The following FAT3 variants were observed in gnomAD, a reference collection of about 807,000 sequenced individuals.
FAT3 encodes protocadherin Fat 3.
In FAT3, 95 loss-of-function variants were observed where a neutral mutation model predicts 310.2. That is an observed-to-expected ratio of 0.31 (90% CI 0.26 to 0.36). The LOEUF is 0.36. Ranked by LOEUF, FAT3 falls within the 10% of genes least tolerant of loss-of-function variation. The pLI, the probability that FAT3 is intolerant of heterozygous loss-of-function variation, is 1.00. For synonymous variants in FAT3, 2,314 were observed against 2,192.9 expected (o/e 1.06, Z -1.54); for missense variants, 5,408 against 5,715.6 (o/e 0.95, Z 1.74).
At chr11:92,357,789 C>T (rs868647631) in intron 2 of FAT3, among the ~76,000 whole-genome samples, 49 of 151,948 alleles carry the variant, frequency 3.2e-4, no homozygotes, top group African/African-American at 1.1e-3. Context: ...AGGTAACTTG[C>T]TACAGTGTTT....
intron 3 of FAT3, among the ~76,000 whole-genome samples, chr11:92,689,750 G>A (rs549436124): frequency 5.3e-5 from 8 of 152,274 alleles, no homozygotes; most frequent in South Asian, 2.1e-4. Flanking sequence ...GCACATGCAT[G>A]CATGCATGTG....
At position 92,792,944 on chromosome 11, in the gene FAT3, G is replaced by A. The variant is rs1174824765; in HGVS notation, c.4789G>A (p.Glu1597Lys). ...QVTALDKDKG[E>K]NAELIYTIEA... The stretch of plus-strand genomic sequence containing the variant: ...GACGGCTCTGGACAAAGACAAAGGA[G>A]AAAATGCAGAACTCATATATACCAT... Residue 1597 changes from glutamate (E) to lysine (K), a missense_variant, in exon 9 of 28, where the codon GAA (glutamate) becomes AAA (lysine). Coordinates refer to ENST00000525166, the MANE Select transcript of FAT3 (RefSeq NM_001367949.2). 2 of 1,613,678 alleles carry A rather than the reference G, an allele frequency of 1.2e-6. No individual in the cohort carries two copies. Among genetic ancestry groups the A allele is most frequent in the African/African-American group, 1.3e-5 (1 of 75,028 alleles).
intron 1 of FAT3, among the ~76,000 whole-genome samples, chr11:92,305,703 G>T (rs1453569456): frequency 1.3e-5 from 2 of 152,074 alleles, no homozygotes; most frequent in African/African-American, 4.8e-5. Flanking sequence ...ATAGTGAGGT[G>T]ATATCAGATA....
At chr11:92,572,741 A>G (rs919086244) in intron 3 of FAT3, among the ~76,000 whole-genome samples, 67 of 152,316 alleles carry the variant, frequency 4.4e-4, no homozygotes, top group African/African-American at 1.5e-3. Flanking sequence ...TGTTCAGCCT[A>G]TTGGGTTACC....
intron 1 of FAT3, among the ~76,000 whole-genome samples, chr11:92,333,711 A>G (rs970236048): frequency 6.6e-6 from 1 of 151,868 alleles, no homozygotes; most frequent in Non-Finnish European, 1.5e-5. Context: ...CTGCCTCATA[A>G]ATATACATCT....
chr11:92,239,816 A>T (rs1708308830), intron 1 of FAT3, among the ~76,000 whole-genome samples: 2 of 152,234 alleles, frequency 1.3e-5, no homozygotes, highest in Non-Finnish European at 2.9e-5. Flanking sequence ...ATTTGCATAA[A>T]AGAGTCTTTG....
At chr11:92,513,118 T>A (rs1296445222) in intron 2 of FAT3, among the ~76,000 whole-genome samples, 2 of 32,046 alleles carry the variant, frequency 6.2e-5, no homozygotes, top group African/African-American at 2.1e-4. Context: ...CTAGACTCCG[T>A]CTCAAAAAAA....
At chr11:92,412,724 T>TACATACAC (rs1565296236) in intron 2 of FAT3, among the ~76,000 whole-genome samples, 1 of 33,382 alleles carries the variant, frequency 3.0e-5, no homozygotes, top group Non-Finnish European at 7.4e-5. Context: ...TATATATATA[T>TACATACAC]ATATATATAT....
At position 92,359,495 on chromosome 11, in the gene FAT3, A is replaced by C. The variant is rs545137286; in HGVS notation, c.3292+4091A>C. On this transcript the variant is annotated intron_variant, in intron 2 of 27. Coordinates refer to ENST00000525166, the MANE Select transcript of FAT3 (RefSeq NM_001367949.2). ...CTTGACTTTCTTTTTTTTTATTATT[A>C]TACTTTAAGTTTTAGGGTACATGTG... is the stretch of plus-strand genomic sequence containing the variant. 8.6e-5 allele frequency among the ~76,000 whole-genome samples: 13 copies of C among 151,858 alleles called. No individual in the cohort carries two copies. In the South Asian group the frequency reaches 2.7e-3, roughly 32 times the overall value.
chr11:92,740,728 A>G (rs1030608556), intron 4 of FAT3, among the ~76,000 whole-genome samples: 2 of 152,204 alleles, frequency 1.3e-5, no homozygotes, highest in South Asian at 4.1e-4. Context: ...GTACTTAAAA[A>G]GCATTTCAAA....
At chr11:92,867,301 C>T in intron 22 of FAT3, 92 bp downstream of exon 22, 1 of 1,295,540 alleles carries the variant, frequency 7.7e-7, no homozygotes, top group Admixed American at 2.5e-5. Flanking sequence ...AACGCAAGGA[C>T]TCTACTAGAG....
chr11:92,803,139 C>G (rs758236201), intron 10 of FAT3, among the ~76,000 whole-genome samples: 1 of 150,466 alleles, frequency 6.6e-6, no homozygotes, highest in Non-Finnish European at 1.5e-5. Flanking sequence ...AAAAAAAAAG[C>G]TTCTTAGGCA....
In FAT3 at chr11:92,764,454, C is replaced by T. The variant is rs74323807; in HGVS notation, c.3985-425C>T. Among the ~76,000 whole-genome samples, 785 of 152,264 alleles carry T rather than the reference C, an allele frequency of 5.2e-3. 8 individuals are homozygous for T. Among genetic ancestry groups the T allele is most frequent in the African/African-American group, 0.018 (737 of 41,538 alleles). ...ACACATGCACACACACACTTCTGCACGTATCATTCACACATATATAAGGTT... is the reference window on the plus strand; with the variant it reads ...ACACATGCACACACACACTTCTGCATGTATCATTCACACATATATAAGGTT... On this transcript the variant is annotated intron_variant, in intron 5 of 27. Coordinates refer to ENST00000525166, the MANE Select transcript of FAT3 (RefSeq NM_001367949.2).
intron 4 of FAT3, among the ~76,000 whole-genome samples, chr11:92,717,505 T>C (rs566093702): frequency 6.6e-6 from 1 of 152,330 alleles, no homozygotes; most frequent in Admixed American, 6.5e-5. Context: ...GTCAGAATTA[T>C]CCAGAATGGC....
intron 1 of FAT3, among the ~76,000 whole-genome samples, chr11:92,247,423 T>G (rs1414756277): frequency 1.4e-4 from 22 of 151,866 alleles, no homozygotes; most frequent in Non-Finnish European, 3.1e-4. Flanking sequence ...CTGCAACTGC[T>G]GAAGTAATTC....
chr11:92,792,346 A>G (rs3893258), intron 8 of FAT3, among the ~76,000 whole-genome samples: 129,772 of 152,154 alleles, frequency 0.85, 55,476 homozygotes, highest in East Asian at 0.94. Flanking sequence ...TGGATGAGTG[A>G]AAATGCCTAC....
At chr11:92,333,200 A>G (rs1344858950) in intron 1 of FAT3, among the ~76,000 whole-genome samples, 3 of 152,232 alleles carry the variant, frequency 2.0e-5, no homozygotes, top group Non-Finnish European at 4.4e-5. Flanking sequence ...GAAGAGGTCA[A>G]ATAGCTGCCT....
chr11:92,717,700 G>T (rs1944730437), intron 4 of FAT3, among the ~76,000 whole-genome samples: 1 of 151,940 alleles, frequency 6.6e-6, no homozygotes, highest in Non-Finnish European at 1.5e-5. Flanking sequence ...ACTTAAAATT[G>T]ATTTTAGTTC....
chr11:92,617,764 G>T (rs1431591743), intron 3 of FAT3, among the ~76,000 whole-genome samples: 1 of 152,160 alleles, frequency 6.6e-6, no homozygotes, highest in African/African-American at 2.4e-5. Flanking sequence ...GACCTTGTTT[G>T]CCCGGGTGTC....
Sources: allele counts gnomAD v4.1 joint callset (sites outside exome capture counted in the v4.1 genomes callset), GRCh38; gene constraint gnomAD v4.1.1; transcripts MANE v1.5; gene names NCBI Gene and HGNC (gene_info 2026-07-23, HGNC 2026-07-21).